LAMA2: variants seen among roughly 807,000 people sequenced by gnomAD.
LAMA2 encodes laminin subunit alpha-2.
A neutral mutation model predicts 364.8 loss-of-function variants in LAMA2; 269 were observed. The observed-to-expected ratio is 0.74, with a 90% CI of 0.67 to 0.82. The LOEUF is 0.82. Ranked by LOEUF, LAMA2 falls within the 40% of genes least tolerant of loss-of-function variation. LAMA2 has a pLI of 0.00. For missense variants in LAMA2, 3,807 were observed against 3,873.2 expected, an observed-to-expected ratio of 0.98 and a Z score of 0.45; for synonymous variants, 1,379 against 1,370.6, an observed-to-expected ratio of 1.01 and a Z score of -0.14.
chr6:128,929,808 A>G (rs1779341087), intron 1 of LAMA2: 2 of 1,044,966 alleles, frequency 1.9e-6, no homozygotes, highest in Non-Finnish European at 3.0e-6. Context: ...ACACCCACAG[A>G]GTCTTGGTAG....
At chr6:129,158,286 T>C (rs1434977975) in intron 8 of LAMA2, 27 of 1,614,132 alleles carry the variant, frequency 1.7e-5, no homozygotes, top group Non-Finnish European at 2.5e-6. Flanking sequence ...TAGCACAGTT[T>C]GGTAGATTTC....
At chr6:129,497,284 C>A (rs78055760) in intron 58 of LAMA2, among the ~76,000 whole-genome samples, 191 of 152,116 alleles carry the variant, frequency 1.3e-3, no homozygotes, top group African/African-American at 4.4e-3. Context: ...GTCACCCAGG[C>A]TGGTGTGCAG....
At chr6:129,252,410 C>A in intron 14 of LAMA2, 115 bp downstream of exon 14, 1 of 741,410 alleles carries the variant, frequency 1.3e-6, no homozygotes, top group Non-Finnish European at 2.4e-6. Context: ...CTTCAAAGAG[C>A]AGATAAGAAC....
chr6:129,184,807 C>A (rs138213540), intron 10 of LAMA2, among the ~76,000 whole-genome samples: 1 of 151,800 alleles, frequency 6.6e-6, no homozygotes, highest in Non-Finnish European at 1.5e-5. Flanking sequence ...CTATTTTCAT[C>A]GTTTTAACTA....
At chr6:129,212,326 A>G (rs964377365) in intron 12 of LAMA2, among the ~76,000 whole-genome samples, 2 of 152,202 alleles carry the variant, frequency 1.3e-5, no homozygotes, top group African/African-American at 2.4e-5. Flanking sequence ...GGACTCTATT[A>G]AATGTGTTTT....
rs181558131 is a variant in LAMA2 at position 129,356,455 on chromosome 6, G to A, written c.4717+3098G>A. Among the ~76,000 whole-genome samples, 14 of 152,126 alleles carry A rather than the reference G, an allele frequency of 9.2e-5. No individual in the cohort carries two copies. The East Asian group carries it at 1.7e-3, about 19-fold the overall frequency. On this transcript the variant is annotated intron_variant, in intron 32 of 64. Coordinates refer to ENST00000421865, the MANE Select transcript of LAMA2 (RefSeq NM_000426.4). ...AGGCACTATATTAAGCATTTTACAC[G>A]TGGTTCTTTCATTCTTGTAACATTC...
chr6:129,028,164 G>A lies in LAMA2; in HGVS notation c.113-21754G>A, dbSNP rs1582897978. Reference sequence around the variant, plus strand: ...TTTAAAAGCTAAAAGAGAAGAATTTGTGTCAGCTGCAAAATAAAGTAAATA... The same window carrying A: ...TTTAAAAGCTAAAAGAGAAGAATTTATGTCAGCTGCAAAATAAAGTAAATA... On this transcript the variant is annotated intron_variant, in intron 1 of 64. Coordinates refer to ENST00000421865, the MANE Select transcript of LAMA2 (RefSeq NM_000426.4). Among the ~76,000 whole-genome samples, 5 of 152,020 alleles carry A rather than the reference G, an allele frequency of 3.3e-5. 1 individual carries two copies. In the South Asian group the frequency reaches 1.0e-3, roughly 31 times the overall value.
At chr6:129,275,951 A>T (rs1788293780) in intron 17 of LAMA2, among the ~76,000 whole-genome samples, 2 of 152,152 alleles carry the variant, frequency 1.3e-5, no homozygotes, top group South Asian at 4.1e-4. Context: ...AGATTAAATC[A>T]GATTTCATAG....
intron 43 of LAMA2, chr6:129,442,200 C>A: frequency 7.6e-7 from 1 of 1,320,602 alleles, no homozygotes; most frequent in East Asian, 5.0e-5. Flanking sequence ...GGAATGGAGC[C>A]TGATTTCAGC....
chr6:129,086,332 T>C (rs1774385659), intron 3 of LAMA2, among the ~76,000 whole-genome samples: 2 of 152,214 alleles, frequency 1.3e-5, no homozygotes, highest in Admixed American at 6.5e-5. Context: ...TCAATTGAAC[T>C]TTAAAAATAA....
chr6:129,305,789 A>G (rs150812591), intron 22 of LAMA2, among the ~76,000 whole-genome samples: 4 of 147,998 alleles, frequency 2.7e-5, no homozygotes, highest in Non-Finnish European at 6.0e-5. Flanking sequence ...GCACTTTGCT[A>G]TTTGCTTTTG....
At chr6:128,987,683 G>A (rs1324585302) in intron 1 of LAMA2, among the ~76,000 whole-genome samples, 2 of 152,136 alleles carry the variant, frequency 1.3e-5, no homozygotes, top group Non-Finnish European at 2.9e-5. Context: ...AACTTAGTAT[G>A]AAGAAAAGAG....
At position 129,434,048 on chromosome 6, in the gene LAMA2, C is replaced by T. The variant is rs370055784; in HGVS notation, c.5969-4598C>T. ...GATTTCATTGTACCAGACTAGATTT[C>T]AGAGAAATACTGTGTAGCAGTTTTA... On this transcript the variant is annotated intron_variant, in intron 41 of 64. Coordinates refer to ENST00000421865, the MANE Select transcript of LAMA2 (RefSeq NM_000426.4). Among the ~76,000 whole-genome samples, 7 of 152,248 alleles carry T rather than the reference C, an allele frequency of 4.6e-5. No individual in the cohort carries two copies. In the East Asian group the frequency reaches 5.8e-4, roughly 13 times the overall value.
In LAMA2 at chr6:129,403,942, C is replaced by G. The variant is rs878879827; in HGVS notation, c.5848C>G (p.His1950Asp). 6.2e-7 allele frequency: 1 copy of G among 1,613,886 alleles called. No homozygotes were observed. The highest frequency in any genetic ancestry group is 8.5e-7 in the Non-Finnish European group (1 of 1,179,844). Residue 1950 changes from histidine to aspartate, a missense_variant, in exon 40 of 65, where the codon CAT becomes GAT. Transcript: ENST00000421865. ...TGCCAAAGAAGCCAAAGATCTTGCA[C>G]ATGAAGCTACAAAACTGGTAAGAAA... Reference protein sequence around the residue: ...KVAKEAKDLAHEATKLATGPR... With the variant: ...KVAKEAKDLADEATKLATGPR...
At chr6:129,203,667 A>G (rs764566382) in intron 12 of LAMA2, among the ~76,000 whole-genome samples, 101 of 152,272 alleles carry the variant, frequency 6.6e-4, no homozygotes, top group Admixed American at 5.9e-4. Flanking sequence ...CTTGATTTCC[A>G]TGAGAATTGG....
chr6:129,248,853 G>C (rs1356499520), intron 12 of LAMA2, among the ~76,000 whole-genome samples: 1 of 152,026 alleles, frequency 6.6e-6, no homozygotes, highest in South Asian at 2.1e-4. Context: ...TTCCACATAG[G>C]TTCACCCCTC....
At chr6:129,192,641 T>C (rs780643418) in intron 11 of LAMA2, 39 bp from the exon 12 acceptor site, 1 of 1,591,034 alleles carries the variant, frequency 6.3e-7, no homozygotes, top group Admixed American at 1.7e-5. Context: ...CTGATAGATA[T>C]TTTTTAAAAA....
intron 41 of LAMA2, among the ~76,000 whole-genome samples, chr6:129,434,286 C>T (rs1489574819): frequency 1.3e-5 from 2 of 152,156 alleles, no homozygotes; most frequent in Non-Finnish European, 2.9e-5. Context: ...TGTTCCCAGT[C>T]GACCCTTGCT....
At chr6:129,355,098 A>G (rs1777077133) in intron 32 of LAMA2, among the ~76,000 whole-genome samples, 1 of 152,010 alleles carries the variant, frequency 6.6e-6, no homozygotes. Flanking sequence ...AGCAGTTTTT[A>G]TTCCAGAAAA....
Sources: allele counts gnomAD v4.1 joint callset (sites outside exome capture counted in the v4.1 genomes callset), GRCh38; gene constraint gnomAD v4.1.1; transcripts MANE v1.5; gene names NCBI Gene and HGNC (gene_info 2026-07-23, HGNC 2026-07-21).